The following PKM variants were observed in gnomAD, a reference collection of about 807,000 sequenced individuals.
PKM encodes the protein pyruvate kinase PKM.
Under a neutral mutation model 49.8 loss-of-function variants are expected in PKM, and 18 were observed. The observed-to-expected ratio is 0.36, with a 90% CI of 0.25 to 0.54. The LOEUF is 0.54. Ranked by LOEUF, PKM falls within the 20% of genes least tolerant of loss-of-function variation. The probability of loss-of-function intolerance (pLI) is 0.89; values close to 1 mark genes in which losing one functional copy is unlikely to be tolerated. For synonymous variants in PKM, 239 were observed against 261.8 expected (o/e 0.91, Z 0.84); for missense variants, 508 against 713.8 (o/e 0.71, Z 3.28).
chr15:72,226,686 T>C (rs147565399), intron 1 of PKM, among the ~76,000 whole-genome samples: 1 of 152,348 alleles, frequency 6.6e-6, no homozygotes, highest in African/African-American at 2.4e-5. Context: ...ATGCTAGGAC[T>C]GGCAACCTCA....
At chr15:72,228,542 G>T in intron 1 of PKM, 1 of 797,006 alleles carries the variant, frequency 1.3e-6, no homozygotes, top group Non-Finnish European at 1.9e-6. Flanking sequence ...GACTTTTTAA[G>T]CCTGCAAGAA....
intron 3 of PKM, among the ~76,000 whole-genome samples, chr15:72,212,968 G>A (rs769461515): frequency 2.3e-4 from 35 of 151,832 alleles, no homozygotes; most frequent in Non-Finnish European, 1.9e-4. Flanking sequence ...CCAGCTACTC[G>A]GGAGGCTGAG....
At chr15:72,221,117 G>T in intron 1 of PKM, 1 of 1,017,474 alleles carries the variant, frequency 9.8e-7, no homozygotes, top group Non-Finnish European at 1.5e-6. Flanking sequence ...CCTGAGATAT[G>T]AGGGTCTTCC....
At position 72,202,084 on chromosome 15, in the gene PKM, C is replaced by T. The variant is rs1359400629; in HGVS notation, c.1307+370G>A. 1 of 287,862 alleles carries T rather than the reference C, an allele frequency of 3.5e-6. No individual in the cohort carries two copies. The highest frequency in any genetic ancestry group is 6.8e-6 in the Non-Finnish European group (1 of 148,010). 17.8% of individuals were successfully genotyped at this position (287,862 alleles called of 1,614,324 possible). On this transcript the variant is annotated intron_variant, in intron 9 of 10. Coordinates refer to ENST00000335181, the MANE Select transcript of PKM (RefSeq NM_002654.6). This position sits in a 1 kb window ranked among gnomAD's most constrained non-coding sequence, Gnocchi z 4.5. ...GCATTTAAATAAATTCATTTCCCAA[C>T]TGAAATTTTTAAAGAGCACATAGTA...
chr15:72,212,557 C>T (rs569018141), intron 3 of PKM, among the ~76,000 whole-genome samples: 3 of 151,620 alleles, frequency 2.0e-5, no homozygotes, highest in South Asian at 2.1e-4. Context: ...TCAGAGTTGA[C>T]GTGAGGAGTA....
chr15:72,202,276 C>T lies in PKM; in HGVS notation c.1307+178G>A, dbSNP rs1245224144. The T allele has an allele frequency of 1.5e-6, 1 of 657,538 alleles. No individual in the cohort carries two copies. Among genetic ancestry groups the T allele is most frequent in the African/African-American group, 1.8e-5 (1 of 55,640 alleles). The allele number at this position is 657,538 out of a possible 1,614,324, so 40.7% of individuals were successfully genotyped here. On this transcript the variant is annotated intron_variant, in intron 9 of 10. Transcript: ENST00000335181. The surrounding 1 kb of genome is among the most constrained non-coding windows in gnomAD (Gnocchi z 4.5). ...ATTCCTTATGAGTGCTACCTAGAGT[C>T]CTTTGGGCCCAGGGAAGGGGCTCTG...
intron 4 of PKM, 126 bp downstream of exon 4, chr15:72,210,221 G>C: frequency 1.1e-6 from 1 of 944,536 alleles, no homozygotes; most frequent in Non-Finnish European, 1.7e-6. Context: ...CTCATTTGTA[G>C]ACCTCAACTC....
At chr15:72,206,591 T>A in intron 8 of PKM, 137 bp downstream of exon 8, 1 of 834,048 alleles carries the variant, frequency 1.2e-6, no homozygotes, top group Admixed American at 2.3e-5. Flanking sequence ...CCCCACCCTC[T>A]TGCTGCTGTA....
At chr15:72,219,150 A>C (rs773685772) in intron 1 of PKM, 40 bp from the exon 2 acceptor site, 1 of 1,584,754 alleles carries the variant, frequency 6.3e-7, no homozygotes. Context: ...TAAGACTGAG[A>C]AGTGGTTAAT....
Position 72,219,059 on chromosome 15 carries a change from A to C in PKM, c.39T>G (p.Ile13Met). 1 of 1,614,168 alleles carries C rather than the reference A, an allele frequency of 6.2e-7. No homozygotes were observed. Among genetic ancestry groups the C allele is most frequent in the Non-Finnish European group, 8.5e-7 (1 of 1,180,022 alleles). ...KPHSEAGTAF[I>M]QTQQLHAAMA... ...TGGCTGCGTGCAGCTGCTGGGTCTG[A>C]ATGAAGGCAGTCCCGGCTTCACTAT... Residue 13 changes from isoleucine to methionine, a missense_variant, in exon 2 of 11, where the codon ATT (isoleucine) becomes ATG (methionine). By Grantham distance (10) the Ile-to-Met change is conservative. Transcript: ENST00000335181.
At position 72,207,243 on chromosome 15, in the gene PKM, T is replaced by G; in HGVS notation, c.871A>C (p.Met291Leu). The stretch of plus-strand genomic sequence containing the variant: ...ATGCCTAGATCACCACGAGCCACCA[T>G]GATCCCATCACTGGCCTCCAGGATT... ...DEILEASDGIMVARGDLGIEI... is the reference protein window; with the variant it reads ...DEILEASDGILVARGDLGIEI... Residue 291 changes from methionine (M) to leucine (L), a missense_variant, in exon 7 of 11, where the codon ATG becomes CTG. Met to Leu is a conservative substitution (Grantham distance 15). Transcript: ENST00000335181. The G allele has an allele frequency of 6.2e-7, 1 of 1,614,118 alleles. No homozygotes were observed. Among genetic ancestry groups the G allele is most frequent in the Non-Finnish European group, 8.5e-7 (1 of 1,179,976 alleles).
At chr15:72,230,052 G>A (rs2082807238) in intron 1 of PKM, among the ~76,000 whole-genome samples, 2 of 152,332 alleles carry the variant, frequency 1.3e-5, no homozygotes, top group African/African-American at 4.8e-5. Context: ...CCATCGCCCG[G>A]TGAAGCGGGG....
Position 72,230,939 on chromosome 15 carries a change from A to G in PKM, c.-14+177T>C, listed in dbSNP as rs750258318. 57 of 1,287,252 alleles carry G rather than the reference A, an allele frequency of 4.4e-5. 1 individual carries two copies. The South Asian group carries it at 6.9e-4, about 16-fold the overall frequency. 79.7% of individuals were successfully genotyped at this position (1,287,252 alleles called of 1,614,324 possible). On this transcript the variant is annotated intron_variant, in intron 1 of 10. Coordinates refer to ENST00000335181, the MANE Select transcript of PKM (RefSeq NM_002654.6). ...ACGGCGCTGGGGACTTCTGAAGAGCAGGCCCCAGGCGTGAGGAGCCGTTCT... is the reference window on the plus strand; with the variant it reads ...ACGGCGCTGGGGACTTCTGAAGAGCGGGCCCCAGGCGTGAGGAGCCGTTCT...
chr15:72,201,998 A>G (rs1229718020), intron 9 of PKM: 1 of 232,314 alleles, frequency 4.3e-6, no homozygotes, highest in South Asian at 5.2e-5. Flanking sequence ...CTGGAACCCA[A>G]TTTGTCTTTA....
rs8192416 is a variant in PKM, at chr15:72,207,293, G to C, written c.837-16C>G. ...TTCATCAAACCTGATGGACAAAGTT[G>C]GGGGGAGAGAGGTTATATAGAACAG... On this transcript the variant is annotated splice_polypyrimidine_tract_variant and intron_variant, in intron 6 of 10. Transcript: ENST00000335181. 3 of 1,613,152 alleles carry C rather than the reference G, an allele frequency of 1.9e-6. No homozygotes were observed. Among genetic ancestry groups the C allele is most frequent in the Non-Finnish European group, 1.7e-6 (2 of 1,179,096 alleles).
At chr15:72,220,443 G>A (rs533059021) in intron 1 of PKM, among the ~76,000 whole-genome samples, 9 of 152,248 alleles carry the variant, frequency 5.9e-5, no homozygotes, top group African/African-American at 2.2e-4. Context: ...CTCCAAAGAA[G>A]GCCCGCTGAG....
intron 7 of PKM, 28 bp downstream of exon 7, chr15:72,207,099 G>C: frequency 6.2e-7 from 1 of 1,612,372 alleles, no homozygotes; most frequent in Non-Finnish European, 8.5e-7. Context: ...GTGTGCACAT[G>C]AGAATGTGGG....
Position 72,199,359 on chromosome 15 carries a change from G to A in PKM, c.*291C>T, listed in dbSNP as rs1307075415. On this transcript the variant is annotated 3_prime_UTR_variant, in exon 11 of 11. Transcript: ENST00000335181. ...AACTGGACAGAGTACACACAGGAAAGGAAGCTGTCACCCTCTTGCCATCTG... is the reference window on the plus strand; with the variant it reads ...AACTGGACAGAGTACACACAGGAAAAGAAGCTGTCACCCTCTTGCCATCTG... 1 of 613,056 alleles carries A rather than the reference G, an allele frequency of 1.6e-6. No homozygotes were observed. The highest frequency in any genetic ancestry group is 3.0e-6 in the Non-Finnish European group (1 of 329,668). The allele number at this position is 613,056 out of a possible 1,614,324, so 38.0% of individuals were successfully genotyped here.
In PKM at chr15:72,225,190, C is replaced by T. The variant is rs546815413; in HGVS notation, c.-14+5926G>A. On this transcript the variant is annotated intron_variant, in intron 1 of 10. Coordinates refer to ENST00000335181, the MANE Select transcript of PKM (RefSeq NM_002654.6). Reference sequence around the variant, plus strand: ...TGACCTCGTGATCCGCCCACCTCAGCTTCCCAAAGTGCTGGGATTACAGGC... The same window carrying T: ...TGACCTCGTGATCCGCCCACCTCAGTTTCCCAAAGTGCTGGGATTACAGGC... Among the ~76,000 whole-genome samples the T allele has an allele frequency of 3.4e-4, 51 of 151,276 alleles. No individual in the cohort carries two copies. The East Asian group carries it at 9.0e-3, about 27-fold the overall frequency.
Sources: allele counts gnomAD v4.1 joint callset (sites outside exome capture counted in the v4.1 genomes callset), GRCh38; gene constraint gnomAD v4.1.1; non-coding constraint Gnocchi (gnomAD v3.1); transcripts MANE v1.5; gene names NCBI Gene and HGNC (gene_info 2026-07-23, HGNC 2026-07-21).